MTDH: variants seen among roughly 807,000 people sequenced by gnomAD.
MTDH encodes protein LYRIC.
A neutral mutation model predicts 72.7 loss-of-function variants in MTDH; 34 were observed. The observed-to-expected ratio is 0.47, with a 90% CI of 0.36 to 0.62. MTDH has a LOEUF of 0.62. Ranked by LOEUF, MTDH falls within the 20% of genes least tolerant of loss-of-function variation. The pLI, the probability that MTDH is intolerant of heterozygous loss-of-function variation, is 0.00. For synonymous variants in MTDH, 266 were observed against 268.9 expected (o/e 0.99, Z 0.10); for missense variants, 677 against 699.4 (o/e 0.97, Z 0.36).
chr8:97,683,594 G>A (rs1813228595), intron 2 of MTDH, among the ~76,000 whole-genome samples: 1 of 151,382 alleles, frequency 6.6e-6, no homozygotes, highest in South Asian at 2.1e-4. Flanking sequence ...ATCTCCCTGT[G>A]TGTTGCCCTG....
chr8:97,719,285 G>T (rs941241220), intron 10 of MTDH, 96 bp downstream of exon 10: 4 of 1,273,854 alleles, frequency 3.1e-6, no homozygotes, highest in Non-Finnish European at 4.3e-6. Context: ...ATGAGGTCAG[G>T]AGTTCAAGAG....
intron 9 of MTDH, among the ~76,000 whole-genome samples, chr8:97,717,857 A>G (rs568191937): frequency 4.0e-5 from 6 of 150,968 alleles, no homozygotes; most frequent in Non-Finnish European, 7.4e-5. Flanking sequence ...TCAAGCAACT[A>G]TCATGTATCA....
chr8:97,693,977 A>G (rs1006323947), intron 6 of MTDH, among the ~76,000 whole-genome samples: 2 of 152,064 alleles, frequency 1.3e-5, no homozygotes, highest in African/African-American at 4.8e-5. Context: ...GGCTTCTCAC[A>G]GTGCTGGGAT....
intron 6 of MTDH, 64 bp from the exon 7 acceptor site, chr8:97,699,690 A>G (rs901721195): frequency 2.9e-5 from 32 of 1,106,084 alleles, no homozygotes; most frequent in Non-Finnish European, 4.1e-5. Context: ...GTATAGAACT[A>G]TTGTTATGAA....
chr8:97,645,020 G>C, intron 1 of MTDH, 133 bp downstream of exon 1: 2 of 1,019,440 alleles, frequency 2.0e-6, no homozygotes, highest in Non-Finnish European at 2.7e-6. Context: ...GCACTCCCAA[G>C]TGGAGGAGGA....
chr8:97,650,538 G>T (rs1811731075), intron 1 of MTDH, among the ~76,000 whole-genome samples: 1 of 152,146 alleles, frequency 6.6e-6, no homozygotes, highest in African/African-American at 2.4e-5. Flanking sequence ...GCCTCCCAAA[G>T]TGCTGGAATT....
intron 2 of MTDH, among the ~76,000 whole-genome samples, chr8:97,678,765 G>C (rs973238883): frequency 6.6e-6 from 1 of 151,652 alleles, no homozygotes; most frequent in Non-Finnish European, 1.5e-5. Flanking sequence ...AAAATGAAGT[G>C]TTCCAAGTCT....
At position 97,666,174 on chromosome 8, in the gene MTDH, A is replaced by G. The variant is rs114522322; in HGVS notation, c.483+5001A>G. Among the ~76,000 whole-genome samples the G allele has an allele frequency of 4.6e-3, 698 of 152,022 alleles. 8 individuals are homozygous for G. Among genetic ancestry groups the G allele is most frequent in the African/African-American group, 0.016 (651 of 41,488 alleles). On this transcript the variant is annotated intron_variant, in intron 2 of 11. Transcript: ENST00000336273. ...TCTGAATTAATGTAGAAATGTAAAG[A>G]TTGCTAGTGAGAGAAACAACGGAAA...
chr8:97,689,648 A>G (rs1813504063), intron 5 of MTDH, among the ~76,000 whole-genome samples: 1 of 152,024 alleles, frequency 6.6e-6, no homozygotes, highest in Non-Finnish European at 1.5e-5. Flanking sequence ...ACCTGAAAAC[A>G]AAAGTGTTGT....
intron 2 of MTDH, among the ~76,000 whole-genome samples, chr8:97,677,289 C>T (rs1228657612): frequency 1.3e-5 from 2 of 148,312 alleles, no homozygotes; most frequent in Non-Finnish European, 3.0e-5. Flanking sequence ...GTCAAAAGTT[C>T]GAGACCAGCC....
Position 97,729,997 on chromosome 8 carries a change from G to A in MTDH, c.*5327G>A, listed in dbSNP as rs1023320630. On this transcript the variant is annotated 3_prime_UTR_variant, in exon 12 of 12. Coordinates refer to ENST00000336273, the MANE Select transcript of MTDH (RefSeq NM_178812.4). ...TGTTCTGGTCTAAGTACTCTAACAG[G>A]ACGATGATTTCTAACCCTAGCATCA... Among the ~76,000 whole-genome samples, 2 of 152,182 alleles carry A rather than the reference G, an allele frequency of 1.3e-5. No individual in the cohort carries two copies. The highest frequency in any genetic ancestry group is 4.8e-5 in the African/African-American group (2 of 41,440).
intron 2 of MTDH, among the ~76,000 whole-genome samples, chr8:97,673,365 T>G (rs137930681): frequency 6.6e-6 from 1 of 150,848 alleles, no homozygotes; most frequent in Non-Finnish European, 1.5e-5. Flanking sequence ...TACAAAAAAA[T>G]TTTTAAATTT....
chr8:97,667,551 A>C (rs1812442114), intron 2 of MTDH, among the ~76,000 whole-genome samples: 1 of 152,212 alleles, frequency 6.6e-6, no homozygotes, highest in South Asian at 2.1e-4. Context: ...TGCTTGAAAG[A>C]ATGACTGATA....
chr8:97,644,668 G>A lies in MTDH; in HGVS notation c.162G>A (p.Val54=), dbSNP rs1811489603. ...GGTACCCCGGCTGGGTGATCCTGGT[G>A]GGCACTGGCGCGCTCGGGCTGCTGC... ...PKRYPGWVIL[V]GTGALGLLLL... is the part of the protein sequence containing the mutation. Residue 54 remains valine, a synonymous_variant, in exon 1 of 12, where the codon GTG becomes GTA. Transcript: ENST00000336273. The A allele has an allele frequency of 6.2e-7, 1 of 1,606,482 alleles. No homozygotes were observed. Among genetic ancestry groups the A allele is most frequent in the Non-Finnish European group, 8.5e-7 (1 of 1,177,972 alleles).
rs774222968 is a variant in MTDH, at chr8:97,724,672, AT to A, written c.*10del. The A allele has an allele frequency of 1.2e-5, 19 of 1,589,736 alleles. No homozygotes were observed. Among genetic ancestry groups the A allele is most frequent in the Admixed American group, 3.8e-5 (2 of 52,860 alleles). On this transcript the variant is annotated 3_prime_UTR_variant, in exon 12 of 12. Transcript: ENST00000336273. ...AAAAAAGCCAGACGAGAAACGTGAA[AT>A]TTTTTTTCCTGAATTGGACATGTGT...
At chr8:97,686,562 A>AT (rs895198628) in intron 2 of MTDH, 106 bp from the exon 3 acceptor site, 299 of 556,550 alleles carry the variant, frequency 5.4e-4, no homozygotes, top group Middle Eastern at 1.1e-3. Context: ...TCAAACATTA[A>AT]TTTTTTTTTA....
At chr8:97,677,003 T>G (rs868159587) in intron 2 of MTDH, among the ~76,000 whole-genome samples, 1 of 702 alleles carries the variant, frequency 1.4e-3, no homozygotes, top group Non-Finnish European at 3.6e-3. Context: ...AGACTCTATC[T>G]CAAAAAAAAA....
chr8:97,664,372 A>T (rs1279464956), intron 2 of MTDH, among the ~76,000 whole-genome samples: 3 of 151,682 alleles, frequency 2.0e-5, no homozygotes, highest in African/African-American at 4.8e-5. Flanking sequence ...AAAAAAATGG[A>T]TGCAGTTTCT....
chr8:97,704,456 A>G (rs1285966212), intron 7 of MTDH, among the ~76,000 whole-genome samples: 1 of 152,112 alleles, frequency 6.6e-6, no homozygotes, highest in Admixed American at 6.6e-5. Flanking sequence ...AAAAGTTTAA[A>G]AATTAGCCAG....
Sources: allele counts gnomAD v4.1 joint callset (sites outside exome capture counted in the v4.1 genomes callset), GRCh38; gene constraint gnomAD v4.1.1; transcripts MANE v1.5; gene names NCBI Gene and HGNC (gene_info 2026-07-23, HGNC 2026-07-21).